Variants in TENM2 observed in about 807,000 individuals in gnomAD.
The protein encoded by TENM2 is teneurin-2.
Under a neutral mutation model 245.2 loss-of-function variants are expected in TENM2, and 52 were observed. The observed-to-expected ratio is 0.21, with a 90% CI of 0.17 to 0.27. The LOEUF (loss-of-function observed/expected upper bound fraction) is 0.27, where lower values mean the gene tolerates loss of function less well. TENM2 is among the 10% of genes least tolerant of loss of function. TENM2 has a pLI of 1.00. For synonymous variants in TENM2, 1,363 were observed against 1,438.9 expected, an observed-to-expected ratio of 0.95 and a Z score of 1.19; for missense variants, 3,046 against 3,666.8, an observed-to-expected ratio of 0.83 and a Z score of 4.37.
chr5:167,338,657 G>A (rs1197734925), intron 1 of TENM2, among the ~76,000 whole-genome samples: 1 of 152,144 alleles, frequency 6.6e-6, no homozygotes, highest in Non-Finnish European at 1.5e-5. Context: ...CCAATTATAT[G>A]GGGACCACAC....
intron 9 of TENM2, among the ~76,000 whole-genome samples, chr5:168,115,359 G>GGAAA (rs766545923): frequency 9.4e-4 from 67 of 71,628 alleles, no homozygotes; most frequent in African/African-American, 2.9e-3. Context: ...AGGGAAGGAA[G>GGAAA]GGAAGGAAGG....
chr5:167,803,933 T>C (rs1765961684), intron 2 of TENM2, among the ~76,000 whole-genome samples: 1 of 152,102 alleles, frequency 6.6e-6, no homozygotes, highest in South Asian at 2.1e-4. Context: ...TTGGCTGATA[T>C]TGGTTGAGCA....
At chr5:167,633,016 T>C (rs1325582304) in intron 2 of TENM2, among the ~76,000 whole-genome samples, 1 of 152,220 alleles carries the variant, frequency 6.6e-6, no homozygotes, top group African/African-American at 2.4e-5. Flanking sequence ...GCAAGACTCC[T>C]AGATTTTGTA....
chr5:167,769,624 C>A (rs767962163), intron 2 of TENM2, among the ~76,000 whole-genome samples: 1 of 152,142 alleles, frequency 6.6e-6, no homozygotes, highest in Non-Finnish European at 1.5e-5. Flanking sequence ...TTGTAAGTAT[C>A]GTATTCCATT....
At chr5:168,161,817 T>C (rs927629324) in intron 12 of TENM2, among the ~76,000 whole-genome samples, 12 of 147,360 alleles carry the variant, frequency 8.1e-5, no homozygotes, top group South Asian at 4.4e-4. Context: ...AGCGCATGTA[T>C]ACACACACAC....
intron 13 of TENM2, among the ~76,000 whole-genome samples, chr5:168,185,556 A>G (rs1760311358): frequency 6.6e-6 from 1 of 152,148 alleles, no homozygotes; most frequent in African/African-American, 2.4e-5. Context: ...GTAATAGTCA[A>G]TCTGAGATTC....
At chr5:167,009,099 A>C in the TENM2 span, among the ~76,000 whole-genome samples, 2 of 152,150 alleles carry the variant, frequency 1.3e-5, no homozygotes, top group East Asian at 3.8e-4. Flanking sequence ...AGCTCAACTC[A>C]TTTACACCCT....
chr5:167,793,970 G>C (rs1393245380), intron 2 of TENM2, among the ~76,000 whole-genome samples: 3 of 151,704 alleles, frequency 2.0e-5, no homozygotes, highest in Non-Finnish European at 2.9e-5. Context: ...CTTGCTTGGA[G>C]AGAAATATCA....
intron 9 of TENM2, among the ~76,000 whole-genome samples, chr5:168,117,062 T>C (rs1243671225): frequency 6.6e-6 from 1 of 152,170 alleles, no homozygotes; most frequent in African/African-American, 2.4e-5. Flanking sequence ...GTCCAAGACC[T>C]GAAGGAGACC....
chr5:167,819,620 A>G (rs921516717), intron 2 of TENM2, among the ~76,000 whole-genome samples: 1 of 152,154 alleles, frequency 6.6e-6, no homozygotes, highest in Non-Finnish European at 1.5e-5. Flanking sequence ...TTACTCCTCC[A>G]AAAGAGGAAG....
intron 2 of TENM2, among the ~76,000 whole-genome samples, chr5:167,644,598 G>C (rs542758547): frequency 6.6e-6 from 1 of 152,240 alleles, no homozygotes; most frequent in Admixed American, 6.5e-5. Context: ...TAAGATAAAC[G>C]CCTCATGACA....
intron 12 of TENM2, among the ~76,000 whole-genome samples, chr5:168,141,341 A>G (rs1755531058): frequency 6.6e-6 from 1 of 152,200 alleles, no homozygotes; most frequent in Non-Finnish European, 1.5e-5. Context: ...GCATGCAGGC[A>G]TGCCATAAAC....
At chr5:167,213,493 C>T in the TENM2 span, among the ~76,000 whole-genome samples, 2 of 152,146 alleles carry the variant, frequency 1.3e-5, no homozygotes, top group East Asian at 3.9e-4. Context: ...CCAAAGGCCC[C>T]ACCTAGTAAC....
chr5:167,388,601 CTGTT>C (rs1761581132), intron 2 of TENM2, among the ~76,000 whole-genome samples: 1 of 151,580 alleles, frequency 6.6e-6, no homozygotes, highest in Non-Finnish European at 1.5e-5. Context: ...CTTAGATTGT[CTGTT>C]TGTGTTCTTT....
chr5:167,496,990 T>G (rs1176441951), intron 2 of TENM2, among the ~76,000 whole-genome samples: 2 of 152,026 alleles, frequency 1.3e-5, no homozygotes, highest in Non-Finnish European at 2.9e-5. Context: ...CTAGACATTT[T>G]CATTTTAATC....
chr5:167,879,387 C>A (rs1289511594), intron 3 of TENM2, among the ~76,000 whole-genome samples: 1 of 152,120 alleles, frequency 6.6e-6, no homozygotes, highest in African/African-American at 2.4e-5. Context: ...TGAGCTCCAG[C>A]GAGTGGCTCA....
intron 2 of TENM2, among the ~76,000 whole-genome samples, chr5:167,676,009 A>G (rs1455397627): frequency 1.3e-5 from 2 of 152,038 alleles, no homozygotes; most frequent in African/African-American, 2.4e-5. Flanking sequence ...AAGCCTGACA[A>G]TGACCTAGAA....
chr5:167,241,710 T>C, the TENM2 span, among the ~76,000 whole-genome samples: 3,520 of 152,252 alleles, frequency 0.023, 127 homozygotes, highest in African/African-American at 0.08. Flanking sequence ...TGGGTATCTT[T>C]TGAGGCCTGA....
At chr5:168,110,448 G>A (rs925893903) in intron 9 of TENM2, among the ~76,000 whole-genome samples, 1 of 152,156 alleles carries the variant, frequency 6.6e-6, no homozygotes, top group East Asian at 1.9e-4. Flanking sequence ...CAAAGATAAA[G>A]CAATCGAGGC....
Sources: gnomAD v4.1 joint callset for allele counts (sites outside exome capture counted in the v4.1 genomes callset) on GRCh38, gnomAD v4.1.1 for gene constraint, MANE v1.5 for transcripts, NCBI Gene and HGNC (gene_info 2026-07-23, HGNC 2026-07-21) for gene names.